NPHP3: variants seen among roughly 807,000 people sequenced by gnomAD.
The protein encoded by NPHP3 is nephrocystin-3.
Under a neutral mutation model 171.9 loss-of-function variants are expected in NPHP3, and 123 were observed. The ratio of observed to expected loss-of-function variants is 0.72; its 90% CI spans 0.62 to 0.83. The LOEUF (loss-of-function observed/expected upper bound fraction) is 0.83. Among genes scored for constraint, NPHP3 ranks in the 40% least tolerant of loss-of-function variants. NPHP3 has a pLI of 0.00. For synonymous variants in NPHP3, 558 were observed against 579.2 expected (o/e 0.96, Z 0.52); for missense variants, 1,506 against 1,591.9 (o/e 0.95, Z 0.92).
rs1398604644 is a variant in NPHP3 at position 132,687,174 on chromosome 3, C to T, written c.3178G>A (p.Ala1060Thr). Residue 1060 changes from alanine (A) to threonine (T), a missense_variant, in exon 22 of 27, where the codon GCT becomes ACT. Physicochemically the swap from Ala to Thr is moderately conservative, Grantham distance 58 (BLOSUM62 0). Transcript: ENST00000337331. ...RKKSFKIHQKAIKKKGNLYGF... is the reference protein window; with the variant it reads ...RKKSFKIHQKTIKKKGNLYGF... ...ACCAAGTTGCCTTTTTTCTTTATAG[C>T]TTTCTGATGAATTTTAAAGGATTTT... 6.8e-7 allele frequency: 1 copy of T among 1,479,706 alleles called. No homozygotes were observed. The highest frequency in any genetic ancestry group is 1.7e-5 in the Admixed American group (1 of 59,486). 91.7% of individuals were successfully genotyped at this position (1,479,706 alleles called of 1,614,324 possible).
Position 132,690,615 on chromosome 3 carries a change from A to G in NPHP3, c.2606T>C (p.Leu869Pro), listed in dbSNP as rs1939275417. Residue 869 changes from leucine (L) to proline (P), a missense_variant, in exon 19 of 27, where the codon CTC becomes CCC. Around this residue, in one of 3 missense-constraint regions of NPHP3, gnomAD observed 569 missense variants for 648.1 expected, o/e 0.88. Transcript: ENST00000337331. ...DRVTWRSADE[L>P]PWLFQQQGSK... Reference sequence around the variant, plus strand: ...TCCCTGCTGCTGAAAAAGCCACGGGAGTTCATCTGCACTTCTCCAAGTCAC... The same window carrying G: ...TCCCTGCTGCTGAAAAAGCCACGGGGGTTCATCTGCACTTCTCCAAGTCAC... 2 of 1,613,784 alleles carry G rather than the reference A, an allele frequency of 1.2e-6. No homozygotes were observed. The highest frequency in any genetic ancestry group is 1.7e-6 in the Non-Finnish European group (2 of 1,179,730).
chr3:132,716,724 C>T lies in NPHP3; in HGVS notation c.823+33G>A, dbSNP rs116927137. On this transcript the variant is annotated intron_variant, in intron 4 of 26. Transcript: ENST00000337331. ...TATAAAACATGAACAGTCACTACCA[C>T]TAGGCAAGTAATTGACAAACAGCAT... is the stretch of plus-strand genomic sequence containing the variant. The T allele has an allele frequency of 2.5e-6, 4 of 1,607,516 alleles. No homozygotes were observed. In the East Asian group the frequency reaches 8.9e-5, roughly 36 times the overall value.
At chr3:132,721,576 G>A (rs558403122) in intron 1 of NPHP3, 71 of 347,236 alleles carry the variant, frequency 2.0e-4, no homozygotes, top group African/African-American at 1.5e-3. Context: ...GCTGGAGATT[G>A]GCATTTGCCT....
At position 132,722,269 on chromosome 3, in the gene NPHP3, C is replaced by T; in HGVS notation, c.87G>A (p.Glu29=). 6.3e-7 allele frequency: 1 copy of T among 1,577,346 alleles called. No homozygotes were observed. The highest frequency in any genetic ancestry group is 1.7e-5 in the Admixed American group (1 of 57,974). The change falls in exon 1 of 27, where the codon GAG becomes GAA. Residue 29 remains glutamate, a synonymous_variant. Transcript: ENST00000337331. ...TYGAGGGEAC[E]IPVEVKPKAR... ...CCTTGGGCTTCACCTCCACCGGGAT[C>T]TCGCAGGCCTCGCCGCCGCCCGCCC...
At chr3:132,708,005 C>G in intron 7 of NPHP3, 96 bp downstream of exon 7, 1 of 1,188,816 alleles carries the variant, frequency 8.4e-7, no homozygotes, top group South Asian at 1.3e-5. Flanking sequence ...TTTCTCTCCC[C>G]TCCCCAGATA....
At chr3:132,708,382 C>A in intron 6 of NPHP3, 125 bp from the exon 7 acceptor site, 1 of 887,772 alleles carries the variant, frequency 1.1e-6, no homozygotes, top group Non-Finnish European at 1.8e-6. Flanking sequence ...GGTCCAACTG[C>A]ACAACAAGTG....
chr3:132,715,020 G>A, intron 5 of NPHP3, 65 bp downstream of exon 5: 1 of 1,362,396 alleles, frequency 7.3e-7, no homozygotes, highest in Non-Finnish European at 1.0e-6. Flanking sequence ...AGTAGTATCA[G>A]AAACAGAATA....
At chr3:132,718,843 A>G in intron 3 of NPHP3, 151 bp downstream of exon 3, 1 of 754,688 alleles carries the variant, frequency 1.3e-6, no homozygotes, top group Non-Finnish European at 2.2e-6. Flanking sequence ...TTAGCAGCTG[A>G]CAGAGAGAAC....
rs773822183 is a variant in NPHP3, at chr3:132,708,251, T to C, written c.1125A>G (p.Leu375=). ...LFIHLTLPSL[L]LEDCEEAFLK... is the part of the protein sequence containing the mutation. ...GAAAAGCTTCTTCACAGTCTTCCAA[T>C]AAAAGGCTAGATTGGAAATCAGCAT... The change falls in exon 7 of 27, where the codon TTA becomes TTG. Residue 375 remains leucine, a synonymous_variant. Transcript: ENST00000337331. 1.2e-6 allele frequency: 2 copies of C among 1,613,978 alleles called. No individual in the cohort carries two copies. Among genetic ancestry groups the C allele is most frequent in the African/African-American group, 1.3e-5 (1 of 75,042 alleles).
chr3:132,697,237 G>C (rs1939478094), intron 14 of NPHP3, 23 bp downstream of exon 14: 1 of 1,409,292 alleles, frequency 7.1e-7, no homozygotes, highest in Non-Finnish European at 1.0e-6. Flanking sequence ...GTAAAAGATT[G>C]CATCAAAATG....
At chr3:132,720,802 A>G (rs1016817956) in intron 1 of NPHP3, among the ~76,000 whole-genome samples, 10 of 152,286 alleles carry the variant, frequency 6.6e-5, no homozygotes, top group Middle Eastern at 3.4e-3. Context: ...TAGGCTGCCT[A>G]TAAGTCTCTC....
chr3:132,716,186 A>C (rs1314980835), intron 4 of NPHP3, among the ~76,000 whole-genome samples: 1 of 152,234 alleles, frequency 6.6e-6, no homozygotes, highest in Non-Finnish European at 1.5e-5. Context: ...TGCTTTAAAT[A>C]ATCTCTAGTT....
chr3:132,696,921 A>G (rs1939468954), intron 14 of NPHP3, 108 bp from the exon 15 acceptor site: 8 of 877,278 alleles, frequency 9.1e-6, no homozygotes, highest in Non-Finnish European at 1.3e-5. Context: ...AAATAACACT[A>G]TTGCTGCCAT....
intron 20 of NPHP3, 59 bp from the exon 21 acceptor site, chr3:132,688,950 A>T (rs1939231129): frequency 6.2e-7 from 1 of 1,613,136 alleles, no homozygotes; most frequent in Admixed American, 1.7e-5. Flanking sequence ...AAGATCTGTC[A>T]TCTGATTAAA....
intron 6 of NPHP3, among the ~76,000 whole-genome samples, chr3:132,709,621 C>T (rs1051350040): frequency 3.3e-5 from 5 of 152,022 alleles, no homozygotes; most frequent in East Asian, 1.9e-4. Flanking sequence ...AAGGACACTG[C>T]GACCAATTCC....
intron 6 of NPHP3, among the ~76,000 whole-genome samples, chr3:132,711,137 C>T (rs1378734019): frequency 1.3e-5 from 2 of 152,156 alleles, no homozygotes; most frequent in Admixed American, 6.5e-5. Flanking sequence ...CTAGATTCAT[C>T]TTTTGGGAAG....
chr3:132,718,979 AG>A lies in NPHP3; in HGVS notation c.670+14del. 6.2e-7 allele frequency: 1 copy of A among 1,613,840 alleles called. No homozygotes were observed. Among genetic ancestry groups the A allele is most frequent in the Non-Finnish European group, 8.5e-7 (1 of 1,179,752 alleles). Reference sequence around the variant, plus strand: ...CATGTTGAAAGCTCAAAATATAAATAGGATATACACTTACCAGTGACATCTG... The same window carrying A: ...CATGTTGAAAGCTCAAAATATAAATAGATATACACTTACCAGTGACATCTG... On this transcript the variant is annotated intron_variant, in intron 3 of 26. Transcript: ENST00000337331.
intron 17 of NPHP3, 103 bp downstream of exon 17, chr3:132,692,551 T>G: frequency 1.0e-6 from 1 of 954,552 alleles, no homozygotes; most frequent in South Asian, 1.4e-5. Flanking sequence ...TTAGAATTTA[T>G]TCCTTTGGCA....
chr3:132,710,918 T>G (rs149199243), intron 6 of NPHP3, among the ~76,000 whole-genome samples: 380 of 152,328 alleles, frequency 2.5e-3, no homozygotes, highest in Non-Finnish European at 3.7e-3. Context: ...AGTATGTTGT[T>G]AGCATAGCTT....
Sources: gnomAD v4.1 joint callset for allele counts (sites outside exome capture counted in the v4.1 genomes callset) on GRCh38, gnomAD v4.1.1 for gene constraint, gnomAD v4.1.1 regional missense constraint, MANE v1.5 for transcripts, NCBI Gene and HGNC (gene_info 2026-07-23, HGNC 2026-07-21) for gene names.